The following LOC128706666 variants were observed in gnomAD, a reference collection of about 807,000 sequenced individuals.
At chr20:10,421,259 G>A in the LOC128706666 span, among the ~76,000 whole-genome samples, 4 of 148,616 alleles carry the variant, frequency 2.7e-5, no homozygotes, top group African/African-American at 5.0e-5. Context: ...GTGAAACATC[G>A]TTTCTACTAA....
At chr20:10,432,273 C>T in the LOC128706666 span, among the ~76,000 whole-genome samples, 4 of 152,326 alleles carry the variant, frequency 2.6e-5, no homozygotes, top group Admixed American at 1.3e-4. Context: ...TTTTCTATTG[C>T]CCAATCCTGC....
the LOC128706666 span, among the ~76,000 whole-genome samples, chr20:10,423,329 G>C: frequency 2.6e-5 from 4 of 152,088 alleles, no homozygotes; most frequent in African/African-American, 9.7e-5. Flanking sequence ...GCTGAGGTAG[G>C]AGGATCGCTT....
the LOC128706666 span, among the ~76,000 whole-genome samples, chr20:10,433,163 C>T: frequency 6.6e-6 from 1 of 152,226 alleles, no homozygotes; most frequent in African/African-American, 2.4e-5. Flanking sequence ...GCCACTGCGC[C>T]CGGCTCATTT....
the LOC128706666 span, among the ~76,000 whole-genome samples, chr20:10,421,487 T>C: frequency 6.6e-6 from 1 of 151,770 alleles, no homozygotes; most frequent in Non-Finnish European, 1.5e-5. Context: ...TCCACAAATA[T>C]GCAGTAAGAA....
chr20:10,423,454 T>C, the LOC128706666 span, among the ~76,000 whole-genome samples: 1 of 152,036 alleles, frequency 6.6e-6, no homozygotes, highest in African/African-American at 2.4e-5. Context: ...AGAGACTGGA[T>C]AGGATAAAAG....
At chr20:10,427,587 C>T in the LOC128706666 span, among the ~76,000 whole-genome samples, 1 of 151,996 alleles carries the variant, frequency 6.6e-6, no homozygotes, top group African/African-American at 2.4e-5. Flanking sequence ...ATTTTTTATC[C>T]TCAATTTTTA....
At chr20:10,430,465 T>A in the LOC128706666 span, among the ~76,000 whole-genome samples, 1 of 152,152 alleles carries the variant, frequency 6.6e-6, no homozygotes, top group Non-Finnish European at 1.5e-5. Flanking sequence ...ATTTTGATTA[T>A]GTCAAAAAGA....
chr20:10,427,835 G>A, the LOC128706666 span, among the ~76,000 whole-genome samples: 3 of 152,138 alleles, frequency 2.0e-5, no homozygotes, highest in African/African-American at 4.8e-5. Context: ...TCATAATTGA[G>A]TTCTAAAGTT....
chr20:10,414,692 A>G, the LOC128706666 span, among the ~76,000 whole-genome samples: 1 of 152,306 alleles, frequency 6.6e-6, no homozygotes, highest in East Asian at 1.9e-4. Context: ...CATTTATATC[A>G]AGTCATGTTT....
At chr20:10,414,714 T>C in the LOC128706666 span, among the ~76,000 whole-genome samples, 1 of 152,352 alleles carries the variant, frequency 6.6e-6, no homozygotes, top group East Asian at 1.9e-4. Flanking sequence ...TAAATAATTA[T>C]AAAAACAAGA....
chr20:10,428,440 C>T, the LOC128706666 span, among the ~76,000 whole-genome samples: 1 of 152,160 alleles, frequency 6.6e-6, no homozygotes, highest in Non-Finnish European at 1.5e-5. Context: ...TTGTATGCTC[C>T]ACCTTCATTT....
At chr20:10,430,865 T>C in the LOC128706666 span, among the ~76,000 whole-genome samples, 2 of 152,358 alleles carry the variant, frequency 1.3e-5, no homozygotes, top group South Asian at 4.1e-4. Flanking sequence ...AATCCTACAA[T>C]GACTGAAACT....
chr20:10,416,137 G>A, the LOC128706666 span, among the ~76,000 whole-genome samples: 3 of 151,054 alleles, frequency 2.0e-5, no homozygotes, highest in South Asian at 2.1e-4. Context: ...TTGGATGCAC[G>A]GGCTTGGCAG....
the LOC128706666 span, among the ~76,000 whole-genome samples, chr20:10,423,911 T>C: frequency 1.9e-3 from 287 of 152,338 alleles, 2 homozygotes; most frequent in African/African-American, 6.4e-3. Context: ...TAATGATTAA[T>C]TGCTTTAATG....
At chr20:10,430,959 G>A in the LOC128706666 span, among the ~76,000 whole-genome samples, 1 of 152,132 alleles carries the variant, frequency 6.6e-6, no homozygotes, top group African/African-American at 2.4e-5. Context: ...GAGAATCAAA[G>A]TCTAACCTCC....
the LOC128706666 span, among the ~76,000 whole-genome samples, chr20:10,429,863 C>T: frequency 2.6e-5 from 4 of 152,156 alleles, no homozygotes; most frequent in East Asian, 7.7e-4. Flanking sequence ...TGCAAATTAT[C>T]AAGCTGCCCC....
At chr20:10,426,166 T>C in the LOC128706666 span, among the ~76,000 whole-genome samples, 1,639 of 152,336 alleles carry the variant, frequency 0.011, 28 homozygotes, top group African/African-American at 0.038. Context: ...CATTAAATGA[T>C]TGATTCTAAG....
At chr20:10,418,144 TA>T in the LOC128706666 span, among the ~76,000 whole-genome samples, 1 of 152,232 alleles carries the variant, frequency 6.6e-6, no homozygotes, top group Non-Finnish European at 1.5e-5. Flanking sequence ...TGTTTATTCT[TA>T]CTGTTAAAGA....
At chr20:10,432,199 C>G in the LOC128706666 span, among the ~76,000 whole-genome samples, 2 of 152,210 alleles carry the variant, frequency 1.3e-5, no homozygotes, top group African/African-American at 4.8e-5. Flanking sequence ...GAAGGGCCAA[C>G]CCAGCACTAG....
Sources: allele counts gnomAD v4.1 joint callset (sites outside exome capture counted in the v4.1 genomes callset), GRCh38; gene constraint gnomAD v4.1.1; transcripts MANE v1.5.